The following ENPP2 variants were observed in gnomAD, a reference collection of about 807,000 sequenced individuals.
The protein encoded by ENPP2 is autotaxin.
Under a neutral mutation model 120.2 loss-of-function variants are expected in ENPP2, and 51 were observed. The observed-to-expected ratio is 0.42, with a 90% CI of 0.34 to 0.54. The LOEUF (loss-of-function observed/expected upper bound fraction) is 0.54. Ranked by LOEUF, ENPP2 falls within the 20% of genes least tolerant of loss-of-function variation. The pLI is 0.04. For missense variants in ENPP2, 920 were observed against 1,066.5 expected (o/e 0.86, Z 1.91); for synonymous variants, 365 against 366.4 (o/e 1.00, Z 0.04).
At chr8:119,563,484 T>C (rs1269283520) in intron 23 of ENPP2, among the ~76,000 whole-genome samples, 1 of 152,120 alleles carries the variant, frequency 6.6e-6, no homozygotes, top group African/African-American at 2.4e-5. Flanking sequence ...TTGTATAAAA[T>C]GGACAGGGGC....
chr8:119,573,652 A>G (rs1812126536), intron 19 of ENPP2, among the ~76,000 whole-genome samples: 1 of 152,000 alleles, frequency 6.6e-6, no homozygotes, highest in Non-Finnish European at 1.5e-5. Context: ...TCTCTACTGA[A>G]AATACAAAAA....
intron 15 of ENPP2, among the ~76,000 whole-genome samples, chr8:119,585,288 ATCTAAC>A (rs1813025144): frequency 6.6e-6 from 1 of 152,194 alleles, no homozygotes; most frequent in Non-Finnish European, 1.5e-5. Flanking sequence ...AATCCCACAT[ATCTAAC>A]TCTAAGTACA....
intron 1 of ENPP2, among the ~76,000 whole-genome samples, chr8:119,644,347 A>C (rs1817367767): frequency 6.6e-6 from 1 of 151,730 alleles, no homozygotes; most frequent in African/African-American, 2.4e-5. Flanking sequence ...AAGACTTTTT[A>C]ATGAACTGGA....
Position 119,617,550 on chromosome 8 carries a change from G to C in ENPP2, c.493C>G (p.Pro165Ala). Reference sequence around the variant, plus strand: ...CCATCCACGGAGAAGATGATTAATGGAGGGCGAACAAACCTTAAACAGTAA... The same window carrying C: ...CCATCCACGGAGAAGATGATTAATGCAGGGCGAACAAACCTTAAACAGTAA... ...AECPAGFVRP[P>A]LIIFSVDGFR... Residue 165 changes from proline (P) to alanine (A), a missense_variant, in exon 6 of 25, where the codon CCA (proline) becomes GCA (alanine). Physicochemically the swap from Pro to Ala is conservative, Grantham distance 27. Coordinates refer to ENST00000075322, the MANE Select transcript of ENPP2 (RefSeq NM_001040092.3). 1.9e-6 allele frequency: 3 copies of C among 1,612,714 alleles called. No individual in the cohort carries two copies. The highest frequency in any genetic ancestry group is 2.5e-6 in the Non-Finnish European group (3 of 1,178,944).
At chr8:119,671,199 G>A (rs1023095144) in intron 1 of ENPP2, among the ~76,000 whole-genome samples, 6 of 152,034 alleles carry the variant, frequency 3.9e-5, no homozygotes, top group African/African-American at 1.2e-4. Flanking sequence ...TACTTGGGAG[G>A]CTGAGGCAGG....
intron 8 of ENPP2, among the ~76,000 whole-genome samples, chr8:119,613,431 T>C (rs985333298): frequency 6.6e-6 from 1 of 152,236 alleles, no homozygotes; most frequent in Non-Finnish European, 1.5e-5. Context: ...GGACAAGAAG[T>C]GGCTTTTATT....
At chr8:119,596,524 T>C (rs1053977244) in intron 11 of ENPP2, among the ~76,000 whole-genome samples, 1 of 152,202 alleles carries the variant, frequency 6.6e-6, no homozygotes, top group East Asian at 1.9e-4. Flanking sequence ...GTCACCTTCA[T>C]TGGCAAGGAT....
At chr8:119,581,891 C>T (rs945606492) in intron 18 of ENPP2, among the ~76,000 whole-genome samples, 2 of 151,808 alleles carry the variant, frequency 1.3e-5, no homozygotes, top group African/African-American at 2.4e-5. Context: ...CCACCATGCC[C>T]GGCTAATTTT....
intron 1 of ENPP2, among the ~76,000 whole-genome samples, chr8:119,670,740 T>C (rs1818218140): frequency 6.6e-6 from 1 of 152,146 alleles, no homozygotes; most frequent in African/African-American, 2.4e-5. Flanking sequence ...AGAAAGAAAG[T>C]CTTATTTAAT....
intron 1 of ENPP2, among the ~76,000 whole-genome samples, chr8:119,649,066 C>A (rs1166123599): frequency 6.6e-6 from 1 of 152,022 alleles, no homozygotes; most frequent in Non-Finnish European, 1.5e-5. Flanking sequence ...TATTTTTATA[C>A]ACTAACAATA....
At chr8:119,671,149 A>AG (rs1818233409) in intron 1 of ENPP2, among the ~76,000 whole-genome samples, 1 of 150,972 alleles carries the variant, frequency 6.6e-6, no homozygotes, top group African/African-American at 2.4e-5. Context: ...AAAAAAAAAA[A>AG]AATTAGCCTG....
At chr8:119,565,178 G>C (rs1814317304) in intron 22 of ENPP2, among the ~76,000 whole-genome samples, 1 of 151,534 alleles carries the variant, frequency 6.6e-6, no homozygotes, top group Non-Finnish European at 1.5e-5. Context: ...AATGGTAGGG[G>C]AGTTTAACGT....
At chr8:119,660,646 T>C (rs980576387) in intron 1 of ENPP2, among the ~76,000 whole-genome samples, 1 of 152,230 alleles carries the variant, frequency 6.6e-6, no homozygotes, top group Non-Finnish European at 1.5e-5. Context: ...AAGTTTCAGT[T>C]TTCCACTTGT....
At chr8:119,574,550 G>A (rs1304962201) in intron 19 of ENPP2, among the ~76,000 whole-genome samples, 3 of 151,936 alleles carry the variant, frequency 2.0e-5, no homozygotes, top group Admixed American at 1.3e-4. Flanking sequence ...AAAATACTGT[G>A]AGGCCAATCT....
chr8:119,634,287 G>A (rs1014192134), intron 2 of ENPP2, among the ~76,000 whole-genome samples: 5 of 151,904 alleles, frequency 3.3e-5, no homozygotes, highest in East Asian at 3.9e-4. Flanking sequence ...AGATTTCTAC[G>A]TAATTGAAGT....
Position 119,600,659 on chromosome 8 carries a change from C to CA in ENPP2, c.972+18dup, listed in dbSNP as rs536883907. 1.8e-4 allele frequency: 279 copies of CA among 1,534,880 alleles called. 2 individuals are homozygous for CA. The African/African-American group carries it at 2.8e-3, about 15-fold the overall frequency. ...CCCAGGGCCACAGATTCTTCTCAGG[C>CA]AGATGCTAAACCACTAACCTCAGGG... On this transcript the variant is annotated intron_variant, in intron 11 of 24. Coordinates refer to ENST00000075322, the MANE Select transcript of ENPP2 (RefSeq NM_001040092.3).
chr8:119,657,873 C>T (rs1817812832), intron 1 of ENPP2, among the ~76,000 whole-genome samples: 1 of 152,152 alleles, frequency 6.6e-6, no homozygotes, highest in Non-Finnish European at 1.5e-5. Context: ...GCTAACAATG[C>T]TTTTCTCAGC....
chr8:119,595,863 T>A (rs553210248), intron 11 of ENPP2: 1 of 1,614,052 alleles, frequency 6.2e-7, no homozygotes, highest in Non-Finnish European at 8.5e-7. Flanking sequence ...CTGACGAGTT[T>A]CCGCAGCATA....
intron 4 of ENPP2, among the ~76,000 whole-genome samples, chr8:119,620,963 G>C (rs1815851837): frequency 6.6e-6 from 1 of 152,128 alleles, no homozygotes; most frequent in South Asian, 2.1e-4. Flanking sequence ...GCAATAGAGG[G>C]AGGCGAGGCT....
Sources: allele counts gnomAD v4.1 joint callset (sites outside exome capture counted in the v4.1 genomes callset), GRCh38; gene constraint gnomAD v4.1.1; transcripts MANE v1.5; gene names NCBI Gene and HGNC (gene_info 2026-07-23, HGNC 2026-07-21).